KIF26B: variants seen among roughly 807,000 people sequenced by gnomAD.
KIF26B encodes kinesin family member 26B, also known as kinesin-like protein KIF26B.
Under a neutral mutation model 151.2 loss-of-function variants are expected in KIF26B, and 63 were observed. The ratio of observed to expected loss-of-function variants is 0.42; its 90% CI spans 0.34 to 0.51. The LOEUF is 0.51. Ranked by LOEUF, KIF26B falls within the 20% of genes least tolerant of loss-of-function variation. The pLI is 0.07. For synonymous variants in KIF26B, 1,357 were observed against 1,262.1 expected (o/e 1.08, Z -1.59); for missense variants, 2,813 against 2,913.6 (o/e 0.97, Z 0.79).
intron 2 of KIF26B, among the ~76,000 whole-genome samples, chr1:245,335,660 G>T (rs1234110960): frequency 6.6e-6 from 1 of 150,382 alleles, no homozygotes; most frequent in African/African-American, 2.4e-5. Context: ...GGAAAGGGGG[G>T]TCCCACGCGG....
chr1:245,575,680 T>C (rs895176092), intron 5 of KIF26B, among the ~76,000 whole-genome samples: 3 of 152,078 alleles, frequency 2.0e-5, no homozygotes, highest in African/African-American at 7.2e-5. Flanking sequence ...CAAATTACCA[T>C]GTGGGTGAGA....
Position 245,658,887 on chromosome 1 carries a change from T to C in KIF26B, c.2258+12607T>C, listed in dbSNP as rs1350081658. ...AATGGTATTTTAATGTAGGCACTTA[T>C]ATTTTAAATATTTGTTTACATATAC... On this transcript the variant is annotated intron_variant, in intron 10 of 14. Transcript: ENST00000407071. Among the ~76,000 whole-genome samples the C allele has an allele frequency of 2.0e-5, 3 of 152,156 alleles. No homozygotes were observed. The East Asian group carries it at 5.8e-4, about 29-fold the overall frequency.
rs1191161146 is a variant in KIF26B at position 245,367,471 on chromosome 1, CAG to C, written c.999+107_999+108del. On this transcript the variant is annotated intron_variant, in intron 3 of 14. Coordinates refer to ENST00000407071, the MANE Select transcript of KIF26B (RefSeq NM_018012.4). This position sits in a 1 kb window ranked among gnomAD's most constrained non-coding sequence, Gnocchi z 4.2. ...GCCTCCTCCCGGGAACCCTGTAACT[CAG>C]AGCCCAGTGTTTCCATGTGGCCCCC... is the stretch of plus-strand genomic sequence containing the variant. 3 of 1,092,564 alleles carry C rather than the reference CAG, an allele frequency of 2.7e-6. No homozygotes were observed. The highest frequency in any genetic ancestry group is 3.9e-6 in the Non-Finnish European group (3 of 777,824). The allele number at this position is 1,092,564 out of a possible 1,614,324, so 67.7% of individuals were successfully genotyped here.
intron 4 of KIF26B, among the ~76,000 whole-genome samples, chr1:245,449,857 C>T (rs1039643045): frequency 7.9e-5 from 12 of 152,198 alleles, no homozygotes; most frequent in Non-Finnish European, 1.6e-4. Flanking sequence ...AGGACATCGT[C>T]ATACTGTGTG....
At chr1:245,249,092 G>A (rs1670391101) in intron 2 of KIF26B, among the ~76,000 whole-genome samples, 1 of 152,026 alleles carries the variant, frequency 6.6e-6, no homozygotes, top group South Asian at 2.1e-4. Flanking sequence ...GTGGAGCAAG[G>A]TGATTTTTGT....
At chr1:245,651,986 A>G (rs1281765445) in intron 10 of KIF26B, among the ~76,000 whole-genome samples, 1 of 152,158 alleles carries the variant, frequency 6.6e-6, no homozygotes, top group Non-Finnish European at 1.5e-5. Flanking sequence ...ACTTGGATGT[A>G]TATTACTTAG....
chr1:245,615,938 G>A (rs1217697679), intron 9 of KIF26B, among the ~76,000 whole-genome samples: 3 of 152,152 alleles, frequency 2.0e-5, no homozygotes, highest in Admixed American at 1.3e-4. Context: ...TAATCCCTGC[G>A]GACCTGGCAG....
chr1:245,390,946 A>AC lies in KIF26B; in HGVS notation c.999+23579_999+23580insC, dbSNP rs1189279520. 1.3e-3 allele frequency among the ~76,000 whole-genome samples: 198 copies of AC among 148,286 alleles called. 7 individuals carry two copies. Among genetic ancestry groups the AC allele is most frequent in the African/African-American group, 4.8e-3 (193 of 40,124 alleles). On this transcript the variant is annotated intron_variant, in intron 3 of 14. Transcript: ENST00000407071. ...CAAAAAAAAAAAAAAAAAAAAAAAAAAAAAAACCACCATAAAATTTTGAGC... is the reference window on the plus strand; with the variant it reads ...CAAAAAAAAAAAAAAAAAAAAAAAAACAAAAAACCACCATAAAATTTTGAGC...
chr1:245,688,969 G>C (rs984508880), intron 12 of KIF26B, among the ~76,000 whole-genome samples, 162 bp downstream of exon 12: 9 of 151,742 alleles, frequency 5.9e-5, no homozygotes, highest in Admixed American at 3.3e-4. Flanking sequence ...AGGGTGTCCC[G>C]TGCCCTGGGG....
chr1:245,165,976 C>T (rs1440768900), intron 2 of KIF26B, among the ~76,000 whole-genome samples: 1 of 152,126 alleles, frequency 6.6e-6, no homozygotes, highest in African/African-American at 2.4e-5. Context: ...ACAAGAGATC[C>T]ACTTCTTGAG....
chr1:245,585,514 C>G (rs1558225357), intron 5 of KIF26B, among the ~76,000 whole-genome samples: 2 of 151,330 alleles, frequency 1.3e-5, no homozygotes, highest in South Asian at 4.2e-4. Flanking sequence ...CCAGGGCTGC[C>G]GTTCCTTCTC....
At chr1:245,202,060 T>G (rs1292252215) in intron 2 of KIF26B, among the ~76,000 whole-genome samples, 1 of 152,174 alleles carries the variant, frequency 6.6e-6, no homozygotes, top group Non-Finnish European at 1.5e-5. Flanking sequence ...TATTTAGGAT[T>G]GCGAGGCAGG....
At chr1:245,673,019 CCA>C (rs2044307903) in intron 10 of KIF26B, among the ~76,000 whole-genome samples, 2 of 152,300 alleles carry the variant, frequency 1.3e-5, no homozygotes, top group Admixed American at 6.5e-5. Context: ...CACCCAGTCC[CCA>C]CGGCGCGCTG....
intron 4 of KIF26B, among the ~76,000 whole-genome samples, chr1:245,440,747 C>T (rs769646504): frequency 3.9e-5 from 6 of 152,204 alleles, no homozygotes; most frequent in Middle Eastern, 3.2e-3. Flanking sequence ...TCCGTTATTC[C>T]GAGCACTTTT....
chr1:245,571,926 A>C (rs2043069865), intron 5 of KIF26B, among the ~76,000 whole-genome samples: 1 of 152,198 alleles, frequency 6.6e-6, no homozygotes, highest in African/African-American at 2.4e-5. Flanking sequence ...TAATCGTCCG[A>C]GTGACAGACA....
At chr1:245,347,049 C>G (rs1367399155) in intron 2 of KIF26B, among the ~76,000 whole-genome samples, 3 of 152,188 alleles carry the variant, frequency 2.0e-5, no homozygotes, top group Non-Finnish European at 4.4e-5. Flanking sequence ...CCCATGTCCT[C>G]TGTACCTGTC....
At chr1:245,419,529 A>G (rs1268273358) in intron 3 of KIF26B, 50 bp from the exon 4 acceptor site, 2 of 1,542,380 alleles carry the variant, frequency 1.3e-6, no homozygotes, top group Non-Finnish European at 1.8e-6. Flanking sequence ...AGTGGTCAGG[A>G]AAAGCAGTGA....
intron 2 of KIF26B, among the ~76,000 whole-genome samples, chr1:245,357,584 T>C (rs150857099): frequency 1.3e-5 from 2 of 152,298 alleles, no homozygotes; most frequent in African/African-American, 4.8e-5. Flanking sequence ...TTTGATATTT[T>C]TGGACATATG....
intron 3 of KIF26B, among the ~76,000 whole-genome samples, chr1:245,372,082 G>A (rs1472816265): frequency 6.6e-6 from 1 of 152,102 alleles, no homozygotes; most frequent in Non-Finnish European, 1.5e-5. Flanking sequence ...CTGTTAAGGA[G>A]CCAGCCGCAG....
Sources: gnomAD v4.1 joint callset for allele counts (sites outside exome capture counted in the v4.1 genomes callset) on GRCh38, gnomAD v4.1.1 for gene constraint, Gnocchi (gnomAD v3.1) non-coding constraint, MANE v1.5 for transcripts, NCBI Gene and HGNC (gene_info 2026-07-23, HGNC 2026-07-21) for gene names.